The following DPP6 variants were observed in gnomAD, a reference collection of about 807,000 sequenced individuals.
The protein encoded by DPP6 is dipeptidyl peptidase like 6.
A neutral mutation model predicts 122.6 loss-of-function variants in DPP6; 69 were observed. That is an observed-to-expected ratio of 0.56 (90% CI 0.46 to 0.69). The LOEUF is 0.69. Among genes scored for constraint, DPP6 ranks in the 30% least tolerant of loss-of-function variants. The probability of loss-of-function intolerance (pLI) is 0.00; values close to 1 mark genes in which losing one functional copy is unlikely to be tolerated. For missense variants in DPP6, 928 were observed against 1,116.9 expected, an observed-to-expected ratio of 0.83 and a Z score of 2.41; for synonymous variants, 418 against 433.1, an observed-to-expected ratio of 0.97 and a Z score of 0.43.
At chr7:154,148,716 A>T (rs1176965837) in intron 1 of DPP6, among the ~76,000 whole-genome samples, 3 of 152,298 alleles carry the variant, frequency 2.0e-5, no homozygotes, top group Non-Finnish European at 4.4e-5. Flanking sequence ...ATTAAAGGAG[A>T]CGTGCTATTT....
intron 1 of DPP6, among the ~76,000 whole-genome samples, chr7:154,311,970 C>T (rs1399934397): frequency 6.6e-6 from 1 of 152,060 alleles, no homozygotes; most frequent in African/African-American, 2.4e-5. Context: ...GTGATAAAAC[C>T]CAATGCAATT....
At chr7:154,785,815 C>T (rs1487321242) in intron 10 of DPP6, among the ~76,000 whole-genome samples, 1 of 152,154 alleles carries the variant, frequency 6.6e-6, no homozygotes, top group Non-Finnish European at 1.5e-5. Context: ...TAAGGAGTGC[C>T]CTGTGATTGC....
chr7:154,188,017 C>T (rs28445509), intron 1 of DPP6, among the ~76,000 whole-genome samples: 1,829 of 152,074 alleles, frequency 0.012, 20 homozygotes, highest in Non-Finnish European at 0.018. Flanking sequence ...TCCAACATTC[C>T]GTACCTGAAG....
chr7:154,453,583 G>C (rs1394596913), intron 2 of DPP6, among the ~76,000 whole-genome samples: 1 of 150,852 alleles, frequency 6.6e-6, no homozygotes, highest in African/African-American at 2.4e-5. Context: ...ACACATGTGA[G>C]TAAGCTATTG....
chr7:154,304,854 G>A (rs1356927779), intron 1 of DPP6, among the ~76,000 whole-genome samples: 1 of 152,290 alleles, frequency 6.6e-6, no homozygotes, highest in African/African-American at 2.4e-5. Context: ...TCCCTCCTGG[G>A]GCCACCTCTG....
At chr7:154,202,915 C>T (rs1434564278) in intron 1 of DPP6, among the ~76,000 whole-genome samples, 1 of 152,162 alleles carries the variant, frequency 6.6e-6, no homozygotes, top group Non-Finnish European at 1.5e-5. Context: ...GGCATGCATA[C>T]ATACACACGA....
chr7:154,343,734 C>A (rs570347783), intron 1 of DPP6, among the ~76,000 whole-genome samples: 9 of 152,190 alleles, frequency 5.9e-5, no homozygotes, highest in African/African-American at 2.2e-4. Context: ...GCGTGTGCCA[C>A]CATGCCTAGC....
At chr7:154,599,261 T>C (rs1469340288) in intron 5 of DPP6, among the ~76,000 whole-genome samples, 2 of 152,162 alleles carry the variant, frequency 1.3e-5, no homozygotes, top group East Asian at 3.8e-4. Context: ...TGGGGACAGA[T>C]GGCCCCGCAT....
intron 1 of DPP6, among the ~76,000 whole-genome samples, chr7:153,996,937 C>A (rs1797465820): frequency 6.6e-6 from 1 of 151,998 alleles, no homozygotes; most frequent in African/African-American, 2.4e-5. Flanking sequence ...ATGAAGGTGC[C>A]CTCAACCATA....
At chr7:154,108,982 TG>T (rs1806362062) in intron 1 of DPP6, among the ~76,000 whole-genome samples, 2 of 152,198 alleles carry the variant, frequency 1.3e-5, no homozygotes, top group Admixed American at 1.3e-4. Context: ...TTAGGTTCAG[TG>T]GCACATATGC....
intron 1 of DPP6, among the ~76,000 whole-genome samples, chr7:154,331,764 G>A (rs555560842): frequency 3.9e-5 from 6 of 152,256 alleles, no homozygotes; most frequent in South Asian, 2.1e-4. Context: ...TAGAGATCTC[G>A]TGAAAAACTA....
At position 154,644,942 on chromosome 7, in the gene DPP6, C is replaced by T. The variant is rs1836352996; in HGVS notation, c.680+7069C>T. Among the ~76,000 whole-genome samples, 3 of 151,952 alleles carry T rather than the reference C, an allele frequency of 2.0e-5. No individual in the cohort carries two copies. The South Asian group carries it at 6.2e-4, about 32-fold the overall frequency. On this transcript the variant is annotated intron_variant, in intron 6 of 25. Transcript: ENST00000377770. ...CTCAGGGTAGTCTCGAACTCCTGAG[C>T]TCAGGCAATCCACCCGCCTTGGCCT...
At chr7:154,548,749 T>A (rs528257171) in intron 4 of DPP6, among the ~76,000 whole-genome samples, 24 of 152,306 alleles carry the variant, frequency 1.6e-4, no homozygotes, top group African/African-American at 4.8e-4. Context: ...TCTACTCTTA[T>A]GTAGCTTTCA....
chr7:154,270,707 G>T (rs377166482), intron 1 of DPP6, among the ~76,000 whole-genome samples: 2 of 152,148 alleles, frequency 1.3e-5, no homozygotes, highest in Non-Finnish European at 2.9e-5. Flanking sequence ...CTTATTACCA[G>T]ACTCAATACC....
chr7:154,872,198 T>G (rs1371992894), intron 18 of DPP6, among the ~76,000 whole-genome samples: 5 of 152,130 alleles, frequency 3.3e-5, no homozygotes, highest in African/African-American at 1.2e-4. Flanking sequence ...TGACCCTCTA[T>G]CTCTTCCTCT....
At chr7:154,853,706 CCT>C in intron 16 of DPP6, 72 bp from the exon 17 acceptor site, 1 of 1,535,914 alleles carries the variant, frequency 6.5e-7, no homozygotes, top group African/African-American at 1.5e-5. Context: ...ATAAGAAAAG[CCT>C]GTTTTCTTGT....
At chr7:154,619,150 C>T (rs1057397840) in intron 5 of DPP6, among the ~76,000 whole-genome samples, 2 of 152,306 alleles carry the variant, frequency 1.3e-5, no homozygotes, top group South Asian at 2.1e-4. Flanking sequence ...ATTAAACCTC[C>T]TTTCCTTGTA....
the DPP6 span, among the ~76,000 whole-genome samples, chr7:153,827,778 C>T: frequency 6.6e-6 from 1 of 152,100 alleles, no homozygotes; most frequent in South Asian, 2.1e-4. Flanking sequence ...TCAGAGGAGG[C>T]CAAGTGAGAG....
At chr7:154,865,102 G>A (rs3778735) in intron 17 of DPP6, among the ~76,000 whole-genome samples, 42,703 of 151,998 alleles carry the variant, frequency 0.28, 7,858 homozygotes, top group East Asian at 0.54. Flanking sequence ...TTTGAGATTT[G>A]GCCATCCAGA....
Sources: gnomAD v4.1 joint callset for allele counts (sites outside exome capture counted in the v4.1 genomes callset) on GRCh38, gnomAD v4.1.1 for gene constraint, MANE v1.5 for transcripts, NCBI Gene and HGNC (gene_info 2026-07-23, HGNC 2026-07-21) for gene names.